The following CDH13 variants were observed in gnomAD, a reference collection of about 807,000 sequenced individuals.
CDH13 encodes cadherin 13, also known as cadherin-13.
In CDH13, 24 loss-of-function variants were observed where a neutral mutation model predicts 63.8. The ratio of observed to expected loss-of-function variants is 0.38; its 90% CI spans 0.27 to 0.53. The LOEUF (loss-of-function observed/expected upper bound fraction) is 0.53. Among genes scored for constraint, CDH13 ranks in the 20% least tolerant of loss-of-function variants. The pLI is 0.85. For missense variants in CDH13, 1,049 were observed against 903.1 expected, an observed-to-expected ratio of 1.16 and a Z score of -2.07; for synonymous variants, 503 against 355.3, an observed-to-expected ratio of 1.42 and a Z score of -4.67.
chr16:83,546,417 G>C (rs1020593407), intron 7 of CDH13, among the ~76,000 whole-genome samples: 1 of 145,888 alleles, frequency 6.9e-6, no homozygotes, highest in Admixed American at 7.0e-5. Flanking sequence ...GCATTTGTTA[G>C]CCATACTACT....
intron 6 of CDH13, chr16:83,397,581 G>A (rs565413292): frequency 2.0e-5 from 3 of 152,302 alleles, no homozygotes; most frequent in Admixed American, 6.5e-5. Context: ...AGAGCGTGCT[G>A]GTGTTGATCT....
intron 5 of CDH13, among the ~76,000 whole-genome samples, chr16:83,298,590 C>G (rs1209573222): frequency 6.6e-6 from 1 of 152,116 alleles, no homozygotes; most frequent in East Asian, 1.9e-4. Flanking sequence ...CTTAAAAACT[C>G]CAAGAAGTAA....
chr16:83,522,821 A>G (rs909800240), intron 7 of CDH13, among the ~76,000 whole-genome samples: 13 of 152,108 alleles, frequency 8.5e-5, no homozygotes, highest in Admixed American at 7.2e-4. Context: ...ACCTCCACCT[A>G]TAGGTTCAAT....
At chr16:83,406,946 A>T (rs904406219) in intron 6 of CDH13, among the ~76,000 whole-genome samples, 1 of 152,272 alleles carries the variant, frequency 6.6e-6, no homozygotes, top group Non-Finnish European at 1.5e-5. Context: ...AAATTAGTTT[A>T]TGACTATTAC....
chr16:82,694,380 C>T (rs1336414450), intron 1 of CDH13, among the ~76,000 whole-genome samples: 2 of 152,206 alleles, frequency 1.3e-5, no homozygotes, highest in Non-Finnish European at 2.9e-5. Flanking sequence ...CTCACTATCA[C>T]TGCAACATTC....
intron 11 of CDH13, among the ~76,000 whole-genome samples, chr16:83,749,220 G>A (rs1912869757): frequency 6.6e-6 from 1 of 152,148 alleles, no homozygotes; most frequent in Admixed American, 6.5e-5. Context: ...GGTGCCCATT[G>A]TTATACTCAA....
intron 1 of CDH13, among the ~76,000 whole-genome samples, chr16:82,684,269 C>T (rs1368383637): frequency 6.6e-6 from 1 of 152,152 alleles, no homozygotes; most frequent in Non-Finnish European, 1.5e-5. Flanking sequence ...TGAGAGTAAA[C>T]CATGGTGTCT....
At chr16:82,680,106 C>T (rs898082584) in intron 1 of CDH13, among the ~76,000 whole-genome samples, 4 of 152,118 alleles carry the variant, frequency 2.6e-5, no homozygotes, top group African/African-American at 9.7e-5. Flanking sequence ...TGCCAGTCTT[C>T]CAGCGTAGGT....
chr16:82,687,241 A>G (rs529550390), intron 1 of CDH13, among the ~76,000 whole-genome samples: 1 of 152,320 alleles, frequency 6.6e-6, no homozygotes, highest in Admixed American at 6.5e-5. Context: ...AGGAGGAGGC[A>G]GGGTTTAGCA....
At chr16:82,948,483 C>A (rs1216918084) in intron 2 of CDH13, among the ~76,000 whole-genome samples, 2 of 152,092 alleles carry the variant, frequency 1.3e-5, no homozygotes, top group Non-Finnish European at 2.9e-5. Flanking sequence ...TGTGTTTCTT[C>A]CTTGAAGAAG....
chr16:83,423,732 G>T (rs992417246), intron 6 of CDH13, among the ~76,000 whole-genome samples: 3 of 152,158 alleles, frequency 2.0e-5, no homozygotes, highest in African/African-American at 7.2e-5. Flanking sequence ...TAAATATGTA[G>T]GATCAAAACA....
chr16:82,672,394 C>T (rs570169235), intron 1 of CDH13, among the ~76,000 whole-genome samples: 1 of 152,132 alleles, frequency 6.6e-6, no homozygotes, highest in Admixed American at 6.5e-5. Flanking sequence ...CATGTATGCA[C>T]CACCACCTTA....
At chr16:82,638,965 A>C (rs1909047690) in intron 1 of CDH13, among the ~76,000 whole-genome samples, 2 of 151,922 alleles carry the variant, frequency 1.3e-5, no homozygotes, top group Non-Finnish European at 2.9e-5. Flanking sequence ...CTTAGAGGCG[A>C]CTCTTATTCC....
chr16:82,671,004 T>C (rs933993403), intron 1 of CDH13, among the ~76,000 whole-genome samples: 4 of 152,332 alleles, frequency 2.6e-5, no homozygotes, highest in Non-Finnish European at 2.9e-5. Flanking sequence ...TGTTTAACTA[T>C]GTGTCATACA....
chr16:83,558,681 G>A (rs1340357140), intron 7 of CDH13, among the ~76,000 whole-genome samples: 2 of 151,930 alleles, frequency 1.3e-5, no homozygotes, highest in African/African-American at 2.4e-5. Flanking sequence ...TTGAGTGTTA[G>A]TGTTCCAATT....
intron 6 of CDH13, among the ~76,000 whole-genome samples, chr16:83,461,179 A>G (rs928967688): frequency 1.3e-5 from 2 of 152,130 alleles, no homozygotes; most frequent in Non-Finnish European, 2.9e-5. Context: ...ACCTTGCTAT[A>G]TGTTGTATAT....
At chr16:83,292,295 A>T (rs926496541) in intron 5 of CDH13, among the ~76,000 whole-genome samples, 1 of 152,112 alleles carries the variant, frequency 6.6e-6, no homozygotes, top group East Asian at 1.9e-4. Context: ...TTAATGTTGC[A>T]TTTGTAGTTT....
chr16:82,662,211 A>T (rs201958885), intron 1 of CDH13, among the ~76,000 whole-genome samples: 1 of 138,828 alleles, frequency 7.2e-6, no homozygotes, highest in East Asian at 1.9e-4. Context: ...AAACTTTATG[A>T]TATTAATTTC....
At chr16:83,104,887 G>C (rs192546622) in intron 3 of CDH13, among the ~76,000 whole-genome samples, 1 of 152,338 alleles carries the variant, frequency 6.6e-6, no homozygotes, top group African/African-American at 2.4e-5. Context: ...AATCGATCGA[G>C]TTCTGGCAAT....
Sources: gnomAD v4.1 joint callset for allele counts (sites outside exome capture counted in the v4.1 genomes callset) on GRCh38, gnomAD v4.1.1 for gene constraint, MANE v1.5 for transcripts, NCBI Gene and HGNC (gene_info 2026-07-23, HGNC 2026-07-21) for gene names.